Variants in PARP12 observed in about 807,000 individuals in gnomAD.
PARP12 encodes poly(ADP-ribose) polymerase family member 12.
Under a neutral mutation model 72.4 loss-of-function variants are expected in PARP12, and 59 were observed. The ratio of observed to expected loss-of-function variants is 0.81; its 90% CI spans 0.66 to 1.01. The LOEUF (loss-of-function observed/expected upper bound fraction) is 1.01. PARP12 is among the 50% of genes least tolerant of loss of function. The probability of loss-of-function intolerance (pLI) is 0.00; values close to 1 mark genes in which losing one functional copy is unlikely to be tolerated. For missense variants in PARP12, 851 were observed against 914.0 expected (o/e 0.93, Z 0.89); for synonymous variants, 403 against 371.4 (o/e 1.09, Z -0.98).
At chr7:140,043,740 C>T (rs1042456888) in intron 5 of PARP12, among the ~76,000 whole-genome samples, 1 of 152,160 alleles carries the variant, frequency 6.6e-6, no homozygotes, top group African/African-American at 2.4e-5. Flanking sequence ...CCATGTTGGC[C>T]AGGCTGGTCT....
intron 5 of PARP12, among the ~76,000 whole-genome samples, chr7:140,046,234 T>C (rs974349878): frequency 1.3e-5 from 2 of 152,244 alleles, no homozygotes; most frequent in East Asian, 1.9e-4. Context: ...TTGCACGTAA[T>C]TGTACTCTAA....
chr7:140,062,307 G>T (rs918217400), intron 1 of PARP12, among the ~76,000 whole-genome samples: 7 of 151,374 alleles, frequency 4.6e-5, no homozygotes, highest in Non-Finnish European at 7.4e-5. Context: ...CCCCCCAGGC[G>T]TCTAGAGGAC....
chr7:140,043,653 G>C (rs191258036), intron 5 of PARP12, among the ~76,000 whole-genome samples: 284 of 151,948 alleles, frequency 1.9e-3, no homozygotes, highest in Non-Finnish European at 3.2e-3. Context: ...TCACCCTCCC[G>C]AGGAGTAGCT....
intron 5 of PARP12, among the ~76,000 whole-genome samples, chr7:140,042,367 G>A (rs1816514098): frequency 6.6e-6 from 1 of 152,216 alleles, no homozygotes; most frequent in African/African-American, 2.4e-5. Flanking sequence ...CTTTCAGGTG[G>A]GCAGGTGGGC....
chr7:140,037,374 C>T (rs1472082940), intron 7 of PARP12, among the ~76,000 whole-genome samples: 3 of 152,258 alleles, frequency 2.0e-5, no homozygotes, highest in Admixed American at 6.5e-5. Flanking sequence ...AAGGCAGACA[C>T]TGCACGACGG....
In PARP12 at chr7:140,041,767, A is replaced by T. The variant is rs757609442; in HGVS notation, c.1059T>A (p.Ala353=). ...CCGTGGAGAGGCGGCGAGCCTGGGT[A>T]GCACCGTAAGTCATGGCGTTAAAGT... The part of the protein sequence containing the change: ...CLNFNAMTYG[A]TQARRLSTAS... Residue 353 remains alanine, a synonymous_variant, in exon 6 of 12, where the codon GCT becomes GCA. Coordinates refer to ENST00000263549, the MANE Select transcript of PARP12 (RefSeq NM_022750.4). The T allele has an allele frequency of 3.3e-5, 53 of 1,614,008 alleles. No individual in the cohort carries two copies. The highest frequency in any genetic ancestry group is 4.3e-5 in the Non-Finnish European group (51 of 1,179,978).
At chr7:140,040,592 A>G (rs1317175147) in intron 6 of PARP12, among the ~76,000 whole-genome samples, 1 of 152,218 alleles carries the variant, frequency 6.6e-6, no homozygotes, top group Admixed American at 6.5e-5. Context: ...AGAAAAGACA[A>G]AAGTCCCTGC....
Position 140,062,602 on chromosome 7 carries a change from C to A in PARP12, c.246G>T (p.Lys82Asn). Residue 82 changes from lysine (K) to asparagine (N), a missense_variant, in exon 1 of 12, where the codon AAG becomes AAT. Lys to Asn is a moderately conservative substitution (Grantham distance 94, BLOSUM62 0). This residue lies in a region of PARP12 where 492 missense variants were observed against 489.3 expected (regional missense o/e 1.01). Transcript: ENST00000263549. ...LRLCRAHQGS[K>N]PGCVGLCAQL... is the part of the protein sequence containing the mutation. ...GCGCGCAGAGCCCCACGCAGCCCGG[C>A]TTGGAGCCCTGGTGCGCGCGACACA... The A allele has an allele frequency of 6.6e-7, 1 of 1,520,474 alleles. No homozygotes were observed. The highest frequency in any genetic ancestry group is 1.2e-5 in the South Asian group (1 of 83,176). 94.2% of individuals were successfully genotyped at this position (1,520,474 alleles called of 1,614,324 possible). A position where few individuals can be genotyped will look rare whatever the true frequency, so the allele number is the denominator to read the frequency against.
Position 140,062,828 on chromosome 7 carries a change from A to T in PARP12, c.20T>A (p.Val7Asp). Reference sequence around the variant, plus strand: ...GCACAGCACCTGGGTGACCTCACCGACGACGCCGGCCTGGGCCATGGCCGC... The same window carrying T: ...GCACAGCACCTGGGTGACCTCACCGTCGACGCCGGCCTGGGCCATGGCCGC... Reference protein sequence around the residue: MAQAGVVGEVTQVLCAA... With the variant: MAQAGVDGEVTQVLCAA... The change falls in exon 1 of 12, where the codon GTC becomes GAC. Residue 7 changes from valine (V) to aspartate (D), a missense_variant. By Grantham distance (152) the Val-to-Asp change is radical (BLOSUM62 -3). Transcript: ENST00000263549. The T allele has an allele frequency of 1.4e-6, 2 of 1,401,438 alleles. No homozygotes were observed. The highest frequency in any genetic ancestry group is 9.3e-7 in the Non-Finnish European group (1 of 1,075,316). The allele number at this position is 1,401,438 out of a possible 1,614,324, so 86.8% of individuals were successfully genotyped here.
intron 5 of PARP12, 51 bp downstream of exon 5, chr7:140,046,833 T>TGTGTGTGTGTCACA: frequency 1.7e-6 from 2 of 1,188,022 alleles, no homozygotes; most frequent in Non-Finnish European, 1.2e-6. Context: ...TGTGTGTGTG[T>TGTGTGTGTGTCACA]CACACACAGA....
At chr7:140,034,071 C>T in intron 8 of PARP12, 164 bp downstream of exon 8, 1 of 1,311,024 alleles carries the variant, frequency 7.6e-7, no homozygotes, top group Non-Finnish European at 9.8e-7. Flanking sequence ...GTAATTCCCA[C>T]TCTGGTCCAA....
intron 5 of PARP12, among the ~76,000 whole-genome samples, chr7:140,042,921 CAT>C (rs1338851219): frequency 9.9e-5 from 15 of 152,204 alleles, no homozygotes; most frequent in Admixed American, 9.2e-4. Flanking sequence ...CTTGGCCGGG[CAT>C]GGTGGCTCAC....
intron 1 of PARP12, among the ~76,000 whole-genome samples, chr7:140,061,818 TAA>T (rs1817456056): frequency 6.6e-6 from 1 of 151,894 alleles, no homozygotes; most frequent in Admixed American, 6.5e-5. Flanking sequence ...ATGAGGAAAA[TAA>T]ACAGTTCCCT....
At chr7:140,030,629 A>G (rs140003416) in intron 8 of PARP12, among the ~76,000 whole-genome samples, 1 of 138,740 alleles carries the variant, frequency 7.2e-6, no homozygotes, top group Non-Finnish European at 1.5e-5. Flanking sequence ...ATACATACAT[A>G]CGTACATACA....
rs1308721791 is a variant in PARP12 at position 140,025,002 on chromosome 7, C to A, written c.1781-117G>T. The A allele has an allele frequency of 5.8e-6, 5 of 863,076 alleles. No homozygotes were observed. The African/African-American group carries it at 8.4e-5, about 15-fold the overall frequency. 53.5% of individuals were successfully genotyped at this position (863,076 alleles called of 1,614,324 possible). A position where few individuals can be genotyped will look rare whatever the true frequency, so the allele number is the denominator to read the frequency against. Reference sequence around the variant, plus strand: ...CCAGGGCCTCTACTCTTCCACCCCGCATCTCCCTCCCTCCCTCTGTGCCAT... The same window carrying A: ...CCAGGGCCTCTACTCTTCCACCCCGAATCTCCCTCCCTCCCTCTGTGCCAT... On this transcript the variant is annotated intron_variant, in intron 11 of 11. Coordinates refer to ENST00000263549, the MANE Select transcript of PARP12 (RefSeq NM_022750.4).
intron 11 of PARP12, chr7:140,025,358 C>T (rs73734181): frequency 0.025 from 7,446 of 300,640 alleles, 240 homozygotes; most frequent in African/African-American, 0.094. Flanking sequence ...GAAGCTGTCA[C>T]CTGTACATTT....
intron 5 of PARP12, among the ~76,000 whole-genome samples, chr7:140,043,511 CT>C (rs1269422346): frequency 7.9e-5 from 12 of 151,762 alleles, no homozygotes; most frequent in Non-Finnish European, 1.8e-4. Context: ...TTTTCTTTTC[CT>C]TTTTTACTAC....
intron 7 of PARP12, chr7:140,034,651 A>G (rs1385982905): frequency 4.8e-6 from 1 of 210,136 alleles, no homozygotes; most frequent in South Asian, 6.1e-5. Flanking sequence ...CAGCTTGGAT[A>G]TAAAAAAGCC....
chr7:140,036,002 AAGG>A (rs1260306456), intron 7 of PARP12, among the ~76,000 whole-genome samples: 1 of 16,914 alleles, frequency 5.9e-5, no homozygotes, highest in Non-Finnish European at 9.2e-5. Context: ...GGAGGAGGAG[AAGG>A]AGGAGAAGGA....
Sources: allele counts gnomAD v4.1 joint callset (sites outside exome capture counted in the v4.1 genomes callset), GRCh38; gene constraint gnomAD v4.1.1; regional missense constraint gnomAD v4.1.1; transcripts MANE v1.5; gene names NCBI Gene and HGNC (gene_info 2026-07-23, HGNC 2026-07-21).